IL1RAPL1: variants seen among roughly 807,000 people sequenced by gnomAD.
IL1RAPL1 encodes interleukin 1 receptor accessory protein like 1, also known as interleukin-1 receptor accessory protein-like 1.
Under a neutral mutation model 48.4 loss-of-function variants are expected in IL1RAPL1, and 3 were observed. The observed-to-expected ratio is 0.06, with a 90% confidence interval of 0.03 to 0.16. The LOEUF is 0.16. IL1RAPL1 is among the 10% of genes least tolerant of loss of function. The pLI, the probability that IL1RAPL1 is intolerant of heterozygous loss-of-function variation, is 1.00. For missense variants in IL1RAPL1, 349 were observed against 530.6 expected, an observed-to-expected ratio of 0.66 and a Z score of 3.36; for synonymous variants, 185 against 187.7, an observed-to-expected ratio of 0.99 and a Z score of 0.12.
chrX:29,434,995 C>T (rs1278196263), intron 5 of IL1RAPL1, among the ~76,000 whole-genome samples: 1 of 110,949 alleles, frequency 9.0e-6, no homozygotes, highest in East Asian at 2.8e-4. Flanking sequence ...GCCCTATTTC[C>T]TGGCAATTTC....
chrX:29,253,154 A>T (rs899491668), intron 2 of IL1RAPL1, among the ~76,000 whole-genome samples: 15 of 111,174 alleles, frequency 1.3e-4, no homozygotes, highest in African/African-American at 4.6e-4. Flanking sequence ...AAATAGATAA[A>T]CCCAAGAAAA....
At chrX:28,650,747 C>T (rs1293363955) in intron 1 of IL1RAPL1, among the ~76,000 whole-genome samples, 1 of 111,321 alleles carries the variant, frequency 9.0e-6, no homozygotes, top group Non-Finnish European at 1.9e-5. Context: ...TTTTATTAGC[C>T]CCACCTGTGC....
intron 1 of IL1RAPL1, among the ~76,000 whole-genome samples, chrX:28,619,716 C>T (rs1393322744): frequency 1.8e-5 from 2 of 110,191 alleles, no homozygotes; most frequent in Non-Finnish European, 3.8e-5. Flanking sequence ...TGATTGTGTA[C>T]GTTTGCTTCT....
At chrX:29,341,847 C>G in intron 3 of IL1RAPL1, among the ~76,000 whole-genome samples, 1 of 111,343 alleles carries the variant, frequency 9.0e-6, no homozygotes, top group Non-Finnish European at 1.9e-5. Flanking sequence ...CACTCTCTCA[C>G]CCAGGCTGGA....
intron 2 of IL1RAPL1, among the ~76,000 whole-genome samples, chrX:29,203,049 A>G (rs1336307152): frequency 8.9e-6 from 1 of 111,822 alleles, no homozygotes; most frequent in African/African-American, 3.3e-5. Context: ...GACTACTACA[A>G]CAGGGGAGAA....
At chrX:28,962,809 A>G (rs1924816104) in intron 2 of IL1RAPL1, among the ~76,000 whole-genome samples, 1 of 109,149 alleles carries the variant, frequency 9.2e-6, no homozygotes, top group Non-Finnish European at 1.9e-5. Flanking sequence ...AATCCTCAGA[A>G]TTTGGTATCC....
chrX:29,766,366 TAG>T lies in IL1RAPL1; in HGVS notation c.778+97864_778+97865del, dbSNP rs1245797829. On this transcript the variant is annotated intron_variant, in intron 6 of 10. Transcript: ENST00000378993. ...AAATATATATATATATATATATAGA[TAG>T]ATAGATAGATAGATAGATATTTTTA... Among the ~76,000 whole-genome samples the T allele has an allele frequency of 3.9e-3, 311 of 80,135 alleles. 11 individuals carry two copies. Among genetic ancestry groups the T allele is most frequent in the African/African-American group, 0.014 (287 of 21,072 alleles). 69.6% of individuals were successfully genotyped at this position (80,135 alleles called of 115,157 possible). A position where few individuals can be genotyped will look rare whatever the true frequency, so the allele number is the denominator to read the frequency against.
At chrX:29,263,227 A>T (rs909317105) in intron 2 of IL1RAPL1, among the ~76,000 whole-genome samples, 11 of 111,486 alleles carry the variant, frequency 9.9e-5, no homozygotes, top group African/African-American at 3.3e-4. Flanking sequence ...TACTTTATTG[A>T]TGTGGAAAGC....
chrX:29,879,389 GTGTGTGTA>G lies in IL1RAPL1; in HGVS notation c.779-38073_779-38066del, dbSNP rs1286407570. 2.2e-3 allele frequency among the ~76,000 whole-genome samples: 220 copies of G among 98,952 alleles called. 1 individual carries two copies. Among genetic ancestry groups the G allele is most frequent in the African/African-American group, 8.4e-3 (201 of 24,063 alleles). 85.9% of individuals were successfully genotyped at this position (98,952 alleles called of 115,157 possible). A position where few individuals can be genotyped will look rare whatever the true frequency, so the allele number is the denominator to read the frequency against. On this transcript the variant is annotated intron_variant, in intron 6 of 10. Coordinates refer to ENST00000378993, the MANE Select transcript of IL1RAPL1 (RefSeq NM_014271.4). ...TGTGTGTGTGTGTGTGTGTGTGTGT[GTGTGTGTA>G]TATATATATATATAATATTTGTGTA...
intron 5 of IL1RAPL1, among the ~76,000 whole-genome samples, chrX:29,418,693 T>G (rs1344853446): frequency 9.0e-6 from 1 of 111,716 alleles, no homozygotes; most frequent in Non-Finnish European, 1.9e-5. Context: ...TAAAACAATA[T>G]ATTATGGGGG....
intron 5 of IL1RAPL1, among the ~76,000 whole-genome samples, chrX:29,461,390 A>T (rs1934800682): frequency 8.9e-6 from 1 of 111,798 alleles, no homozygotes; most frequent in African/African-American, 3.2e-5. Context: ...TTTAAAATTA[A>T]ATATACTATG....
intron 5 of IL1RAPL1, among the ~76,000 whole-genome samples, chrX:29,440,561 G>A (rs1934537406): frequency 8.9e-6 from 1 of 111,825 alleles, no homozygotes; most frequent in Non-Finnish European, 1.9e-5. Context: ...CTCATTAATA[G>A]TTTTCTTAGT....
intron 6 of IL1RAPL1, among the ~76,000 whole-genome samples, chrX:29,671,209 CTTCAAA>C (rs1284387730): frequency 3.6e-5 from 4 of 111,825 alleles, no homozygotes; most frequent in Non-Finnish European, 5.6e-5. Context: ...TGCTCTTCAT[CTTCAAA>C]TTCATTTTCT....
At chrX:28,809,963 A>G (rs939365163) in intron 2 of IL1RAPL1, among the ~76,000 whole-genome samples, 1 of 108,068 alleles carries the variant, frequency 9.3e-6, no homozygotes, top group Non-Finnish European at 1.9e-5. Flanking sequence ...GGGATGAGGA[A>G]TATGTAAGGG....
intron 2 of IL1RAPL1, among the ~76,000 whole-genome samples, chrX:28,926,467 A>T (rs983836977): frequency 9.9e-5 from 11 of 110,755 alleles, no homozygotes; most frequent in African/African-American, 3.6e-4. Context: ...GGCACTGTAC[A>T]TTCCTTGTCA....
chrX:29,568,892 G>A (rs1390728908), intron 5 of IL1RAPL1, among the ~76,000 whole-genome samples: 1 of 111,064 alleles, frequency 9.0e-6, no homozygotes, highest in Non-Finnish European at 1.9e-5. Flanking sequence ...TATTTATCCA[G>A]CCCAGTGTCA....
intron 5 of IL1RAPL1, among the ~76,000 whole-genome samples, chrX:29,450,536 T>A (rs1934667406): frequency 8.9e-6 from 1 of 111,958 alleles, no homozygotes; most frequent in Non-Finnish European, 1.9e-5. Context: ...AGCCATAGTT[T>A]GATAAGCACT....
intron 2 of IL1RAPL1, among the ~76,000 whole-genome samples, chrX:29,178,031 G>T (rs1930062884): frequency 9.0e-6 from 1 of 111,613 alleles, no homozygotes; most frequent in African/African-American, 3.3e-5. Context: ...CTTTGCTATT[G>T]TGAATAGTGT....
At chrX:29,848,380 G>T (rs887134472) in intron 6 of IL1RAPL1, among the ~76,000 whole-genome samples, 6 of 108,229 alleles carry the variant, frequency 5.5e-5, no homozygotes, top group African/African-American at 1.4e-4. Context: ...CTTACTATTT[G>T]CTTAGTAGAA....
Sources: gnomAD v4.1 joint callset for allele counts (sites outside exome capture counted in the v4.1 genomes callset) on GRCh38, gnomAD v4.1.1 for gene constraint, MANE v1.5 for transcripts, NCBI Gene and HGNC (gene_info 2026-07-23, HGNC 2026-07-21) for gene names.